The following DYNC1I1 variants were observed in gnomAD, a reference collection of about 807,000 sequenced individuals.
DYNC1I1 encodes the protein cytoplasmic dynein 1 intermediate chain 1.
DYNC1I1 carries 43 observed loss-of-function variants against 86.6 expected under a neutral mutation model. The observed-to-expected ratio is 0.50, with a 90% CI of 0.39 to 0.64. The LOEUF (loss-of-function observed/expected upper bound fraction) is 0.64, where lower values mean the gene tolerates loss of function less well. DYNC1I1 is among the 30% of genes least tolerant of loss of function. The probability of loss-of-function intolerance (pLI) is 0.00; values close to 1 mark genes in which losing one functional copy is unlikely to be tolerated. For synonymous variants in DYNC1I1, 262 were observed against 283.7 expected, an observed-to-expected ratio of 0.92 and a Z score of 0.77; for missense variants, 604 against 788.8, an observed-to-expected ratio of 0.77 and a Z score of 2.81.
rs563418839 is a variant in DYNC1I1, at chr7:96,027,809, A to G, written c.970-366A>G. On this transcript the variant is annotated intron_variant, in intron 10 of 16. Coordinates refer to ENST00000447467, the MANE Select transcript of DYNC1I1 (RefSeq NM_001135556.2). Reference sequence around the variant, plus strand: ...TAAAGAATTGCTTAGTAAAGGCTTTAGTGGAGAATTAATATTAGTTCTGTT... The same window carrying G: ...TAAAGAATTGCTTAGTAAAGGCTTTGGTGGAGAATTAATATTAGTTCTGTT... 1.3e-5 allele frequency among the ~76,000 whole-genome samples: 2 copies of G among 152,294 alleles called. 1 individual carries two copies. Among genetic ancestry groups the G allele is most frequent in the African/African-American group, 4.8e-5 (2 of 41,580 alleles).
chr7:95,991,273 C>T (rs1793723601), intron 9 of DYNC1I1, among the ~76,000 whole-genome samples: 1 of 152,152 alleles, frequency 6.6e-6, no homozygotes, highest in South Asian at 2.1e-4. Context: ...TTCTTTTATA[C>T]ATCTTGATAT....
intron 7 of DYNC1I1, among the ~76,000 whole-genome samples, chr7:95,983,385 G>A (rs1357514726): frequency 6.6e-6 from 1 of 152,126 alleles, no homozygotes; most frequent in African/African-American, 2.4e-5. Context: ...GATGAATCAC[G>A]TGTTGCCCTA....
chr7:96,106,159 T>C (rs941545906), intron 16 of DYNC1I1, among the ~76,000 whole-genome samples: 1 of 152,182 alleles, frequency 6.6e-6, no homozygotes, highest in Non-Finnish European at 1.5e-5. Context: ...CTTAATTTGC[T>C]CTCTTTTTTT....
chr7:95,785,178 G>T (rs1349197263), intron 1 of DYNC1I1, among the ~76,000 whole-genome samples: 2 of 152,172 alleles, frequency 1.3e-5, no homozygotes, highest in Non-Finnish European at 2.9e-5. Context: ...ATCCCAGGCT[G>T]AGGCAGGTAG....
At chr7:96,100,354 CCTTTCCTTCCTTCCTTCCTTCCTT>C (rs1407072276), downstream of DYNC1I1, among the ~76,000 whole-genome samples, 5 of 149,708 alleles carry the variant, frequency 3.3e-5, no homozygotes, top group African/African-American at 7.5e-5. Flanking sequence ...TTCCTTCCTT[CCTTTCCTTCCTTCCTTCCTTCCTT>C]CTTTCCTTCC....
chr7:95,915,815 A>T (rs1344938658), intron 6 of DYNC1I1, among the ~76,000 whole-genome samples: 3 of 152,226 alleles, frequency 2.0e-5, no homozygotes. Flanking sequence ...TTTGCTTTCC[A>T]GTTAGGTTAG....
chr7:95,808,705 A>G (rs528546932), intron 2 of DYNC1I1, among the ~76,000 whole-genome samples: 53 of 152,274 alleles, frequency 3.5e-4, no homozygotes, highest in African/African-American at 1.2e-3. Flanking sequence ...GTGATTGACA[A>G]TTCTCAGCTG....
chr7:95,842,032 T>G (rs997431162), intron 5 of DYNC1I1, among the ~76,000 whole-genome samples: 2 of 152,130 alleles, frequency 1.3e-5, no homozygotes, highest in Non-Finnish European at 2.9e-5. Flanking sequence ...GTTTTAAAAG[T>G]TGGGGTATTG....
In DYNC1I1 at chr7:95,840,967, T is replaced by G. The variant is rs528277205; in HGVS notation, c.374+12851T>G. ...CATATTAATGTCCTTAGGAAGAAGC[T>G]GGGAACTGGAGTTTATCACCCACTT... On this transcript the variant is annotated intron_variant, in intron 5 of 16. Coordinates refer to ENST00000447467, the MANE Select transcript of DYNC1I1 (RefSeq NM_001135556.2). 3.8e-4 allele frequency among the ~76,000 whole-genome samples: 58 copies of G among 152,326 alleles called. No individual in the cohort carries two copies. In the Middle Eastern group the frequency reaches 0.01, roughly 27 times the overall value.
intron 14 of DYNC1I1, among the ~76,000 whole-genome samples, chr7:96,074,976 C>G (rs1241085261): frequency 1.3e-5 from 2 of 152,206 alleles, no homozygotes; most frequent in Non-Finnish European, 2.9e-5. Context: ...GTTTAGATTT[C>G]TGTCAGAGGA....
intron 5 of DYNC1I1, among the ~76,000 whole-genome samples, chr7:95,860,857 G>A (rs1789858173): frequency 6.6e-6 from 1 of 152,094 alleles, no homozygotes; most frequent in African/African-American, 2.4e-5. Context: ...CTTTCATTAG[G>A]CATTAATTAA....
At chr7:95,979,543 G>A (rs1003979748) in intron 7 of DYNC1I1, among the ~76,000 whole-genome samples, 35 of 152,188 alleles carry the variant, frequency 2.3e-4, no homozygotes, top group African/African-American at 8.4e-4. Context: ...CTTTGCCATA[G>A]CCCATAGCTT....
chr7:96,002,733 C>T (rs1242387347), intron 10 of DYNC1I1, among the ~76,000 whole-genome samples: 1 of 151,918 alleles, frequency 6.6e-6, no homozygotes, highest in Non-Finnish European at 1.5e-5. Flanking sequence ...TTCATTCAGG[C>T]AACAGGAGAG....
chr7:95,992,048 C>T (rs781435117), intron 9 of DYNC1I1, among the ~76,000 whole-genome samples: 20 of 151,914 alleles, frequency 1.3e-4, no homozygotes, highest in Non-Finnish European at 2.5e-4. Flanking sequence ...TTAGTAGAGA[C>T]GGGGTTTCAC....
At position 95,839,728 on chromosome 7, in the gene DYNC1I1, T is replaced by G. The variant is rs1463911564; in HGVS notation, c.374+11612T>G. Among the ~76,000 whole-genome samples, 4 of 152,344 alleles carry G rather than the reference T, an allele frequency of 2.6e-5. No individual in the cohort carries two copies. The East Asian group carries it at 5.8e-4, about 22-fold the overall frequency. On this transcript the variant is annotated intron_variant, in intron 5 of 16. Transcript: ENST00000447467. Reference sequence around the variant, plus strand: ...TTCATTTCAAGTTGAAGAACTTTCTTTAGCATTTTTTTGTATGTCAGAACT... The same window carrying G: ...TTCATTTCAAGTTGAAGAACTTTCTGTAGCATTTTTTTGTATGTCAGAACT...
At chr7:96,095,938 T>C (rs977679601) in intron 16 of DYNC1I1, among the ~76,000 whole-genome samples, 1 of 152,260 alleles carries the variant, frequency 6.6e-6, no homozygotes, top group Middle Eastern at 3.4e-3. Context: ...ACTTGTGTTA[T>C]TGCCTACAAA....
At chr7:95,993,262 A>C (rs561086191) in intron 9 of DYNC1I1, among the ~76,000 whole-genome samples, 127 of 152,334 alleles carry the variant, frequency 8.3e-4, no homozygotes, top group Non-Finnish European at 1.4e-3. Context: ...TCAGTTATAG[A>C]AATTATGCCA....
rs565895673 is a variant in DYNC1I1 at position 95,954,166 on chromosome 7, C to G, written c.491-23346C>G. Among the ~76,000 whole-genome samples the G allele has an allele frequency of 2.4e-3, 364 of 151,786 alleles. 4 individuals carry two copies. Among genetic ancestry groups the G allele is most frequent in the African/African-American group, 8.2e-3 (339 of 41,378 alleles). ...GTGGATTCAAAAGCATTGTCATTCT[C>G]AAAACAGGCAATTCCGTGTTTTAAT... On this transcript the variant is annotated intron_variant, in intron 6 of 16. Transcript: ENST00000447467.
chr7:96,014,510 C>T (rs1308777239), intron 10 of DYNC1I1, among the ~76,000 whole-genome samples: 3 of 152,182 alleles, frequency 2.0e-5, no homozygotes, highest in Non-Finnish European at 4.4e-5. Flanking sequence ...TGTTAGTTCT[C>T]TTGCTATATT....
Sources: gnomAD v4.1 joint callset for allele counts (sites outside exome capture counted in the v4.1 genomes callset) on GRCh38, gnomAD v4.1.1 for gene constraint, MANE v1.5 for transcripts, NCBI Gene and HGNC (gene_info 2026-07-23, HGNC 2026-07-21) for gene names.